The following ZNRF1 variants were observed in gnomAD, a reference collection of about 807,000 sequenced individuals.
ZNRF1 encodes the protein E3 ubiquitin-protein ligase ZNRF1.
A neutral mutation model predicts 18.4 loss-of-function variants in ZNRF1; 3 were observed. The observed-to-expected ratio is 0.16, with a 90% CI of 0.07 to 0.42. The LOEUF (loss-of-function observed/expected upper bound fraction) is 0.42, where lower values mean the gene tolerates loss of function less well. ZNRF1 is among the 10% of genes least tolerant of loss of function. The probability of loss-of-function intolerance (pLI) is 0.99; values close to 1 mark genes in which losing one functional copy is unlikely to be tolerated. For synonymous variants in ZNRF1, 157 were observed against 144.2 expected, an observed-to-expected ratio of 1.09 and a Z score of -0.64; for missense variants, 310 against 329.8, an observed-to-expected ratio of 0.94 and a Z score of 0.47.
intron 1 of ZNRF1, among the ~76,000 whole-genome samples, chr16:75,091,970 A>G (rs1471345355): frequency 2.6e-5 from 4 of 152,124 alleles, no homozygotes; most frequent in South Asian, 4.1e-4. Context: ...CTGTATTACA[A>G]TAAGGAGAGA....
At chr16:75,053,589 C>CAAAAA (rs56775288) in intron 1 of ZNRF1, among the ~76,000 whole-genome samples, 4 of 71,610 alleles carry the variant, frequency 5.6e-5, no homozygotes, top group East Asian at 4.1e-4. Context: ...GACTCCATCT[C>CAAAAA]AAAAAAAAAA....
intron 2 of ZNRF1, among the ~76,000 whole-genome samples, chr16:75,100,380 C>CCCCCTT (rs143418929): frequency 0.014 from 2,116 of 152,268 alleles, 15 homozygotes; most frequent in African/African-American, 0.026. Context: ...CGCCCTCGCG[C>CCCCCTT]CCCCTTCCCC....
intron 2 of ZNRF1, among the ~76,000 whole-genome samples, chr16:75,101,865 G>A (rs1242740055): frequency 6.6e-6 from 1 of 152,210 alleles, no homozygotes; most frequent in African/African-American, 2.4e-5. Flanking sequence ...CTTTCAAGCA[G>A]GGGGATCACA....
Position 75,025,583 on chromosome 16 carries a change from C to T in ZNRF1, c.424+25488C>T, listed in dbSNP as rs140372369. On this transcript the variant is annotated intron_variant, in intron 1 of 4. Coordinates refer to ENST00000335325, the MANE Select transcript of ZNRF1 (RefSeq NM_032268.5). ...TACCACAGGAAAGATCGTATAGCCC[C>T]TCCTATAAACTTAGTTTGTTCTTAG... is the stretch of plus-strand genomic sequence containing the variant. 5.3e-5 allele frequency among the ~76,000 whole-genome samples: 8 copies of T among 152,218 alleles called. No homozygotes were observed. The South Asian group carries it at 1.2e-3, about 24-fold the overall frequency.
At chr16:75,074,120 G>A (rs1284934794) in intron 1 of ZNRF1, among the ~76,000 whole-genome samples, 6 of 152,062 alleles carry the variant, frequency 3.9e-5, no homozygotes, top group Non-Finnish European at 8.8e-5. Flanking sequence ...CTCCTTCCGC[G>A]TGCATGTGTA....
rs2036343170 is a variant in ZNRF1, at chr16:75,108,514, G to A, written c.*814G>A. On this transcript the variant is annotated 3_prime_UTR_variant, in exon 5 of 5. Coordinates refer to ENST00000335325, the MANE Select transcript of ZNRF1 (RefSeq NM_032268.5). ...TATGTACAGCTACCCCTGTTTTCAG[G>A]CACTATGTTTGAGAACATTTTAGCC... The A allele has an allele frequency of 2.5e-6, 1 of 398,290 alleles. No individual in the cohort carries two copies. Among genetic ancestry groups the A allele is most frequent in the South Asian group, 1.3e-4 (1 of 7,838 alleles). The allele number at this position is 398,290 out of a possible 1,614,324, so 24.7% of individuals were successfully genotyped here. A position where few individuals can be genotyped will look rare whatever the true frequency, so the allele number is the denominator to read the frequency against.
At position 75,098,258 on chromosome 16, in the gene ZNRF1, C is replaced by T. The variant is rs1014902385; in HGVS notation, c.520+4591C>T. On this transcript the variant is annotated intron_variant, in intron 2 of 4. Coordinates refer to ENST00000335325, the MANE Select transcript of ZNRF1 (RefSeq NM_032268.5). ...AAGCGACTAGGGGAGGCCTGCAAGG[C>T]CCTAACACAAGTGGGGAAACCAGGA... 2.0e-5 allele frequency among the ~76,000 whole-genome samples: 3 copies of T among 152,142 alleles called. No individual in the cohort carries two copies. In the East Asian group the frequency reaches 5.8e-4, roughly 29 times the overall value.
intron 1 of ZNRF1, among the ~76,000 whole-genome samples, chr16:75,076,442 C>T (rs1036455851): frequency 2.0e-5 from 3 of 152,026 alleles, no homozygotes; most frequent in African/African-American, 7.2e-5. Flanking sequence ...TCTGTGGCCT[C>T]CTCTTTTCTT....
intron 2 of ZNRF1, among the ~76,000 whole-genome samples, chr16:75,097,306 C>T (rs933093051): frequency 6.6e-6 from 1 of 151,986 alleles, no homozygotes; most frequent in African/African-American, 2.4e-5. Context: ...TGGAGATGAC[C>T]CGCTTTTGAC....
chr16:75,007,969 A>G (rs1282647974), intron 1 of ZNRF1, among the ~76,000 whole-genome samples: 1 of 152,144 alleles, frequency 6.6e-6, no homozygotes, highest in Non-Finnish European at 1.5e-5. Context: ...GTCTCAAGCA[A>G]TTCTCAAGCC....
rs1567478938 is a variant in ZNRF1 at position 75,050,903 on chromosome 16, A to AAAAAC, written c.425-42667_425-42666insAACAA. Among the ~76,000 whole-genome samples, 51 of 132,538 alleles carry AAAAAC rather than the reference A, an allele frequency of 3.8e-4. 1 individual carries two copies. The highest frequency in any genetic ancestry group is 1.5e-3 in the African/African-American group (50 of 34,274). 87.0% of individuals were successfully genotyped at this position (132,538 alleles called of 152,430 possible). A position where few individuals can be genotyped will look rare whatever the true frequency, so the allele number is the denominator to read the frequency against. On this transcript the variant is annotated intron_variant, in intron 1 of 4. Transcript: ENST00000335325. ...AAAAAAAAAAACAAAAAAAAACAAA[A>AAAAAC]AACTTGTAGCCAGGTACAGTGGCTC...
intron 1 of ZNRF1, among the ~76,000 whole-genome samples, chr16:75,028,299 TG>T (rs1431550693): frequency 1.3e-5 from 2 of 152,244 alleles, no homozygotes; most frequent in East Asian, 3.8e-4. Context: ...TTTTGTTTTT[TG>T]TTTTTTGTTT....
intron 3 of ZNRF1, 45 bp downstream of exon 3, chr16:75,104,934 AGG>A: frequency 2.0e-6 from 3 of 1,466,002 alleles, no homozygotes; most frequent in Non-Finnish European, 1.9e-6. Context: ...CACCTCCCAG[AGG>A]GGCGGACCCC....
At position 75,110,322 on chromosome 16, in the gene ZNRF1, T is replaced by G. The variant is rs953426938; in HGVS notation, c.*2622T>G. 4 of 152,352 alleles carry G rather than the reference T, an allele frequency of 2.6e-5. No homozygotes were observed. The highest frequency in any genetic ancestry group is 9.6e-5 in the African/African-American group (4 of 41,470). 9.4% of individuals were successfully genotyped at this position (152,352 alleles called of 1,614,324 possible). ...TCTCCAGAATCCTGTGTTGCCCCTGTTCTGCCTTTCTGGGATGGGAGAGAA... is the reference window on the plus strand; with the variant it reads ...TCTCCAGAATCCTGTGTTGCCCCTGGTCTGCCTTTCTGGGATGGGAGAGAA... On this transcript the variant is annotated 3_prime_UTR_variant, in exon 5 of 5. Coordinates refer to ENST00000335325, the MANE Select transcript of ZNRF1 (RefSeq NM_032268.5).
chr16:75,066,093 C>A (rs2035799984), intron 1 of ZNRF1, among the ~76,000 whole-genome samples: 1 of 152,196 alleles, frequency 6.6e-6, no homozygotes, highest in Non-Finnish European at 1.5e-5. Flanking sequence ...CATTCAATTC[C>A]AGAAGTTCAA....
intron 1 of ZNRF1, among the ~76,000 whole-genome samples, chr16:75,049,845 T>TTGTGTG (rs56377786): frequency 0.39 from 58,510 of 149,134 alleles, 11,772 homozygotes; most frequent in Non-Finnish European, 0.45. Context: ...ATGCACCCAT[T>TTGTGTG]TGTGTGTGTG....
chr16:75,055,485 G>A (rs918692636), intron 1 of ZNRF1, among the ~76,000 whole-genome samples: 1 of 152,200 alleles, frequency 6.6e-6, no homozygotes, highest in African/African-American at 2.4e-5. Context: ...CATGCTACCA[G>A]CCCAGGAGTA....
At chr16:75,084,993 A>G (rs1170797812) in intron 1 of ZNRF1, among the ~76,000 whole-genome samples, 1 of 152,208 alleles carries the variant, frequency 6.6e-6, no homozygotes, top group Non-Finnish European at 1.5e-5. Flanking sequence ...CATTAACTAC[A>G]GTTAGTTAAC....
At chr16:75,063,157 C>T (rs938928769) in intron 1 of ZNRF1, among the ~76,000 whole-genome samples, 5 of 152,184 alleles carry the variant, frequency 3.3e-5, no homozygotes, top group African/African-American at 1.2e-4. Flanking sequence ...TAGGGACAGG[C>T]CTGGATGAGA....
Sources: allele counts gnomAD v4.1 joint callset (sites outside exome capture counted in the v4.1 genomes callset), GRCh38; gene constraint gnomAD v4.1.1; transcripts MANE v1.5; gene names NCBI Gene and HGNC (gene_info 2026-07-23, HGNC 2026-07-21).